SDHC: variants seen among roughly 807,000 people sequenced by gnomAD.
SDHC encodes the protein succinate dehydrogenase complex subunit C, also known as succinate dehydrogenase cytochrome b560 subunit, mitochondrial.
A neutral mutation model predicts 22.6 loss-of-function variants in SDHC; 11 were observed. The observed-to-expected ratio is 0.49, with a 90% confidence interval of 0.31 to 0.81. The LOEUF (loss-of-function observed/expected upper bound fraction) is 0.81. Among genes scored for constraint, SDHC ranks in the 30% least tolerant of loss-of-function variants. The pLI is 0.05. For missense variants in SDHC, 160 were observed against 212.0 expected (o/e 0.75, Z 1.52); for synonymous variants, 80 against 77.8 (o/e 1.03, Z -0.15).
At chr1:161,343,647 C>T (rs17394957) in intron 4 of SDHC, among the ~76,000 whole-genome samples, 14,413 of 152,130 alleles carry the variant, frequency 0.095, 972 homozygotes, top group Non-Finnish European at 0.13. Context: ...ACTTTTATTT[C>T]TGCTTCCTTA....
At chr1:161,343,650 C>T (rs576015647) in intron 4 of SDHC, among the ~76,000 whole-genome samples, 13 of 152,164 alleles carry the variant, frequency 8.5e-5, no homozygotes, top group Admixed American at 5.9e-4. Context: ...TTTATTTCTG[C>T]TTCCTTAGAA....
Position 161,362,470 on chromosome 1 carries a change from A to G in SDHC, c.*37A>G. On this transcript the variant is annotated 3_prime_UTR_variant, in exon 6 of 6. Coordinates refer to ENST00000367975, the MANE Select transcript of SDHC (RefSeq NM_003001.5). ...TCCCAGCATCATCTTCCTACACATTATTACATTCACCCATCTTTCTGTTTG... is the reference window on the plus strand; with the variant it reads ...TCCCAGCATCATCTTCCTACACATTGTTACATTCACCCATCTTTCTGTTTG... 8.7e-6 allele frequency: 14 copies of G among 1,612,332 alleles called. No individual in the cohort carries two copies. The highest frequency in any genetic ancestry group is 1.1e-5 in the South Asian group (1 of 90,926).
chr1:161,321,146 C>T (rs760456517), intron 1 of SDHC, among the ~76,000 whole-genome samples: 9 of 152,102 alleles, frequency 5.9e-5, no homozygotes, highest in Non-Finnish European at 1.3e-4. Flanking sequence ...TTTTACTTCC[C>T]AATGTTATTT....
At chr1:161,325,702 G>A (rs191339385) in intron 2 of SDHC, among the ~76,000 whole-genome samples, 175 of 152,258 alleles carry the variant, frequency 1.1e-3, no homozygotes, top group African/African-American at 4.0e-3. Flanking sequence ...CTGAGGTACC[G>A]AGCTGAATCT....
chr1:161,324,953 C>T (rs1462271927), intron 2 of SDHC, among the ~76,000 whole-genome samples: 1 of 152,140 alleles, frequency 6.6e-6, no homozygotes, highest in African/African-American at 2.4e-5. Context: ...GTAATCCCAA[C>T]ACTTTAGGAG....
intron 1 of SDHC, chr1:161,314,705 T>C: frequency 1.9e-6 from 1 of 526,252 alleles, no homozygotes; most frequent in Non-Finnish European, 3.4e-6. Flanking sequence ...CTAACGCAAA[T>C]TGCTCTCGGG....
intron 3 of SDHC, among the ~76,000 whole-genome samples, chr1:161,336,775 TG>T (rs1289556915): frequency 1.3e-5 from 2 of 152,134 alleles, no homozygotes. Flanking sequence ...TGGAAGTAAA[TG>T]GTTAGTGATG....
intron 5 of SDHC, 140 bp downstream of exon 5, chr1:161,356,980 G>C: frequency 1.2e-6 from 1 of 860,080 alleles, no homozygotes; most frequent in Non-Finnish European, 1.9e-6. Context: ...GCCCAGGCTG[G>C]AGTGCAGTGG....
chr1:161,344,614 A>G (rs1404979481), intron 4 of SDHC, among the ~76,000 whole-genome samples: 1 of 152,194 alleles, frequency 6.6e-6, no homozygotes, highest in Non-Finnish European at 1.5e-5. Flanking sequence ...AAGTATAACT[A>G]CAGCATTTTC....
intron 1 of SDHC, among the ~76,000 whole-genome samples, chr1:161,320,693 T>A (rs924985342): frequency 1.8e-4 from 28 of 152,296 alleles, no homozygotes; most frequent in Middle Eastern, 6.8e-3. Context: ...TAGACAATGC[T>A]TTCCTGTATG....
intron 4 of SDHC, among the ~76,000 whole-genome samples, chr1:161,341,200 T>C (rs771818444): frequency 3.0e-4 from 45 of 152,296 alleles, no homozygotes; most frequent in Middle Eastern, 6.8e-3. Flanking sequence ...ATCATGTTTA[T>C]TGAAATTATA....
chr1:161,339,831 C>T (rs1019190873), intron 3 of SDHC, among the ~76,000 whole-genome samples: 1 of 151,880 alleles, frequency 6.6e-6, no homozygotes, highest in Non-Finnish European at 1.5e-5. Flanking sequence ...CAGGCATGTG[C>T]CACCACATCC....
At chr1:161,333,578 AT>A (rs1380028719) in intron 3 of SDHC, among the ~76,000 whole-genome samples, 9 of 151,806 alleles carry the variant, frequency 5.9e-5, no homozygotes, top group African/African-American at 2.2e-4. Flanking sequence ...TAATTTTTCT[AT>A]TTTTAATAGA....
chr1:161,357,691 G>C (rs531876843), intron 5 of SDHC, among the ~76,000 whole-genome samples: 73 of 152,276 alleles, frequency 4.8e-4, no homozygotes, highest in South Asian at 1.2e-3. Context: ...GAGCCACTGT[G>C]CCCTGCTGAA....
intron 4 of SDHC, among the ~76,000 whole-genome samples, chr1:161,352,838 G>C (rs559291625): frequency 6.6e-6 from 1 of 152,058 alleles, no homozygotes; most frequent in South Asian, 2.1e-4. Context: ...TTAGCCGGGC[G>C]TGGTGGCACA....
intron 1 of SDHC, among the ~76,000 whole-genome samples, chr1:161,317,081 C>T (rs1038229928): frequency 2.0e-5 from 3 of 149,548 alleles, no homozygotes; most frequent in Non-Finnish European, 1.5e-5. Flanking sequence ...TGCAGTGGCA[C>T]GATCTTGGCT....
At chr1:161,314,610 T>C in intron 1 of SDHC, 185 bp downstream of exon 1, 2 of 671,392 alleles carry the variant, frequency 3.0e-6, no homozygotes, top group Non-Finnish European at 5.2e-6. Context: ...TCCGGTGCGC[T>C]CCGTAGGGCT....
rs76438697 is a variant in SDHC, at chr1:161,333,778, A to G, written c.179+5281A>G. The stretch of plus-strand genomic sequence containing the variant: ...CATTTTACATTCACACTAGCAGTGT[A>G]TAAGGGTTCTAGTTTCTCCACATCC... On this transcript the variant is annotated intron_variant, in intron 3 of 5. Transcript: ENST00000367975. 2.5e-3 allele frequency among the ~76,000 whole-genome samples: 382 copies of G among 152,332 alleles called. 15 individuals carry two copies. In the East Asian group the frequency reaches 0.064, roughly 25 times the overall value.
At chr1:161,315,914 A>G (rs898776495) in intron 1 of SDHC, among the ~76,000 whole-genome samples, 3 of 151,616 alleles carry the variant, frequency 2.0e-5, no homozygotes, top group Non-Finnish European at 4.4e-5. Flanking sequence ...GGAGAGGGGG[A>G]TGTGGCAGGG....
Sources: allele counts gnomAD v4.1 joint callset (sites outside exome capture counted in the v4.1 genomes callset), GRCh38; gene constraint gnomAD v4.1.1; transcripts MANE v1.5; gene names NCBI Gene and HGNC (gene_info 2026-07-23, HGNC 2026-07-21).